The following MMAB variants were observed in gnomAD, a reference collection of about 807,000 sequenced individuals.
MMAB encodes the protein corrinoid adenosyltransferase MMAB.
A neutral mutation model predicts 30.6 loss-of-function variants in MMAB; 17 were observed. That is an observed-to-expected ratio of 0.56 (90% CI 0.38 to 0.83). The LOEUF is 0.83. MMAB is among the 40% of genes least tolerant of loss of function. The probability of loss-of-function intolerance (pLI) is 0.00; values close to 1 mark genes in which losing one functional copy is unlikely to be tolerated. For missense variants in MMAB, 311 were observed against 331.6 expected (o/e 0.94, Z 0.48); for synonymous variants, 134 against 138.6 (o/e 0.97, Z 0.23).
Position 109,572,140 on chromosome 12 carries a change from C to T in MMAB, c.135-430G>A, listed in dbSNP as rs564074408. 5.8e-4 allele frequency among the ~76,000 whole-genome samples: 88 copies of T among 152,258 alleles called. 1 individual carries two copies. In the South Asian group the frequency reaches 0.018, roughly 31 times the overall value. ...GGAAACTATGGCTCAGATGAGACAC[C>T]TTCCTAGACCATCCAAGAAGAGGCA... On this transcript the variant is annotated intron_variant, in intron 1 of 8. Coordinates refer to ENST00000545712, the MANE Select transcript of MMAB (RefSeq NM_052845.4).
At chr12:109,560,735 T>A (rs1884160385) in intron 7 of MMAB, among the ~76,000 whole-genome samples, 1 of 152,116 alleles carries the variant, frequency 6.6e-6, no homozygotes, top group Admixed American at 6.5e-5. Context: ...ACAAACAAGG[T>A]GCAATTGTGT....
intron 7 of MMAB, 70 bp downstream of exon 7, chr12:109,560,970 T>TGGGGGGGGGGGGGGGGGGGGGGGGGGGG: frequency 1.2e-6 from 1 of 808,206 alleles, no homozygotes; most frequent in East Asian, 2.8e-5. Context: ...CTCCTCTCCC[T>TGGGGGGGGGGGGGGGGGGGGGGGGGGGG]CTCCCTCCCC....
chr12:109,568,660 G>A, intron 3 of MMAB, 110 bp downstream of exon 3: 1 of 886,556 alleles, frequency 1.1e-6, no homozygotes, highest in Non-Finnish European at 1.9e-6. Context: ...GTTCAATAAG[G>A]GCTGACAACC....
chr12:109,565,218 T>C (rs1884377071), intron 3 of MMAB, 42 bp from the exon 4 acceptor site: 1 of 1,466,934 alleles, frequency 6.8e-7, no homozygotes, highest in Middle Eastern at 1.7e-4. Context: ...TAATGTAATG[T>C]CCCTAGGCCC....
rs1296274517 is a variant in MMAB, at chr12:109,569,244, C to T, written c.197-381G>A. Reference sequence around the variant, plus strand: ...TTACAGGCATGAGCCACCGTACCACCCCTTAAAGAACTTTCAACTTGAAAT... The same window carrying T: ...TTACAGGCATGAGCCACCGTACCACTCCTTAAAGAACTTTCAACTTGAAAT... On this transcript the variant is annotated intron_variant, in intron 2 of 8. Transcript: ENST00000545712. The surrounding 1 kb of genome is among the most constrained non-coding windows in gnomAD (Gnocchi z 4.1). 1.3e-5 allele frequency among the ~76,000 whole-genome samples: 2 copies of T among 152,102 alleles called. No individual in the cohort carries two copies. Among genetic ancestry groups the T allele is most frequent in the Non-Finnish European group, 2.9e-5 (2 of 68,020 alleles).
intron 2 of MMAB, among the ~76,000 whole-genome samples, chr12:109,570,718 A>G (rs1466704023): frequency 6.6e-6 from 1 of 152,108 alleles, no homozygotes; most frequent in Admixed American, 6.6e-5. Context: ...AAAAAAATTA[A>G]AAAGTATTAG....
At position 109,558,022 on chromosome 12, in the gene MMAB, G is replaced by A. The variant is rs374971337; in HGVS notation, c.645-886C>T. Among the ~76,000 whole-genome samples, 11 of 152,274 alleles carry A rather than the reference G, an allele frequency of 7.2e-5. No homozygotes were observed. The East Asian group carries it at 1.4e-3, about 19-fold the overall frequency. On this transcript the variant is annotated intron_variant, in intron 8 of 8. Coordinates refer to ENST00000545712, the MANE Select transcript of MMAB (RefSeq NM_052845.4). The surrounding 1 kb of genome is among the most constrained non-coding windows in gnomAD (Gnocchi z 4.3). ...TTTCACTCCCAGCACGAGGCACCAC[G>A]TTCCTCCCTCTCTCTCTGCCCCAGT...
At position 109,554,974 on chromosome 12, in the gene MMAB, C is replaced by T. The variant is rs1453010892; in HGVS notation, c.*2054G>A. 1.3e-5 allele frequency: 6 copies of T among 453,948 alleles called. No homozygotes were observed. Among genetic ancestry groups the T allele is most frequent in the African/African-American group, 4.0e-5 (2 of 49,982 alleles). 28.1% of individuals were successfully genotyped at this position (453,948 alleles called of 1,614,324 possible). A position where few individuals can be genotyped will look rare whatever the true frequency, so the allele number is the denominator to read the frequency against. ...AGATACAGAGGCGGGGGTCTGAGAACGCGACTGTTAACATCCAGGCTGTGA... is the reference window on the plus strand; with the variant it reads ...AGATACAGAGGCGGGGGTCTGAGAATGCGACTGTTAACATCCAGGCTGTGA... On this transcript the variant is annotated 3_prime_UTR_variant, in exon 9 of 9. Coordinates refer to ENST00000545712, the MANE Select transcript of MMAB (RefSeq NM_052845.4).
chr12:109,565,282 C>T lies in MMAB; in HGVS notation c.291-106G>A. ...GTGGCAGGCCATTTAGTTAATTTAG[C>T]TATAATAGCCATGTTATTTTTCTTG... On this transcript the variant is annotated intron_variant, in intron 3 of 8. Coordinates refer to ENST00000545712, the MANE Select transcript of MMAB (RefSeq NM_052845.4). The T allele has an allele frequency of 3.6e-6, 3 of 828,278 alleles. No individual in the cohort carries two copies. In the South Asian group the frequency reaches 4.0e-5, roughly 11 times the overall value. 51.3% of individuals were successfully genotyped at this position (828,278 alleles called of 1,614,324 possible). A position where few individuals can be genotyped will look rare whatever the true frequency, so the allele number is the denominator to read the frequency against.
intron 3 of MMAB, chr12:109,567,230 C>T (rs1021247669): frequency 1.4e-5 from 5 of 366,748 alleles, no homozygotes; most frequent in Non-Finnish European, 2.7e-5. Context: ...GTGCTAGGCA[C>T]TGTCCTCAGG....
At position 109,556,648 on chromosome 12, in the gene MMAB, T is replaced by TCTCTCACACACACACACACACA. The variant is rs1555273916; in HGVS notation, c.*379_*380insTGTGTGTGTGTGTGTGTGAGAG. On this transcript the variant is annotated 3_prime_UTR_variant, in exon 9 of 9. Coordinates refer to ENST00000545712, the MANE Select transcript of MMAB (RefSeq NM_052845.4). The stretch of plus-strand genomic sequence containing the variant: ...GAGCTGGCAGTGGGAGGGCTCTCTC[T>TCTCTCACACACACACACACACA]CACACACACACACACACACACACAC... 12 of 328,372 alleles carry TCTCTCACACACACACACACACA rather than the reference T, an allele frequency of 3.7e-5. No homozygotes were observed. Among genetic ancestry groups the TCTCTCACACACACACACACACA allele is most frequent in the African/African-American group, 3.2e-4 (11 of 34,038 alleles). The allele number at this position is 328,372 out of a possible 1,614,324, so 20.3% of individuals were successfully genotyped here.
intron 1 of MMAB, 130 bp downstream of exon 1, chr12:109,573,217 G>T: frequency 7.9e-7 from 1 of 1,270,200 alleles, no homozygotes; most frequent in Non-Finnish European, 1.1e-6. Flanking sequence ...TTGCCATGGT[G>T]ACGTCAGAAC....
chr12:109,565,004 G>A, intron 4 of MMAB, 115 bp downstream of exon 4: 2 of 846,762 alleles, frequency 2.4e-6, no homozygotes, highest in Non-Finnish European at 4.1e-6. Context: ...GGAGCTCACA[G>A]AGGGAGAGTA....
chr12:109,555,801 G>T lies in MMAB; in HGVS notation c.*1227C>A. On this transcript the variant is annotated 3_prime_UTR_variant, in exon 9 of 9. Coordinates refer to ENST00000545712, the MANE Select transcript of MMAB (RefSeq NM_052845.4). ...CCCTCCTGCAAACTTTGCAGGCCAG[G>T]TGGTAAGAATGAAGGCAAAAATATG... is the stretch of plus-strand genomic sequence containing the variant. 2.2e-6 allele frequency: 1 copy of T among 454,050 alleles called. No homozygotes were observed. Among genetic ancestry groups the T allele is most frequent in the South Asian group, 1.6e-5 (1 of 64,474 alleles). 28.1% of individuals were successfully genotyped at this position (454,050 alleles called of 1,614,324 possible).
rs199961081 is a variant in MMAB at position 109,561,145 on chromosome 12, G to A, written c.520-41C>T. On this transcript the variant is annotated intron_variant, in intron 6 of 8. Coordinates refer to ENST00000545712, the MANE Select transcript of MMAB (RefSeq NM_052845.4). The surrounding 1 kb of genome is among the most constrained non-coding windows in gnomAD (Gnocchi z 5.3). ...GACATTGCCTGAGCAGGGTGGGAAA[G>A]GTGTGCCCACTGCGGACAGGAGCTC... The A allele has an allele frequency of 6.2e-7, 1 of 1,604,086 alleles. No homozygotes were observed. Among genetic ancestry groups the A allele is most frequent in the Non-Finnish European group, 8.5e-7 (1 of 1,178,960 alleles).
At chr12:109,562,412 C>G (rs764164528) in intron 4 of MMAB, among the ~76,000 whole-genome samples, 4 of 152,194 alleles carry the variant, frequency 2.6e-5, no homozygotes, top group Non-Finnish European at 4.4e-5. Context: ...AAAGCAAACT[C>G]TGAACTTTCA....
rs1555273916 is a variant in MMAB, at chr12:109,556,648, T to TCTCTCTCTCTCTCACACACA, written c.*379_*380insTGTGTGTGAGAGAGAGAGAG. 3 of 299,376 alleles carry TCTCTCTCTCTCTCACACACA rather than the reference T, an allele frequency of 1.0e-5. No homozygotes were observed. The highest frequency in any genetic ancestry group is 9.1e-5 in the African/African-American group (3 of 33,092). 18.5% of individuals were successfully genotyped at this position (299,376 alleles called of 1,614,324 possible). On this transcript the variant is annotated 3_prime_UTR_variant, in exon 9 of 9. Transcript: ENST00000545712. Reference sequence around the variant, plus strand: ...GAGCTGGCAGTGGGAGGGCTCTCTCTCACACACACACACACACACACACAC... The same window carrying TCTCTCTCTCTCTCACACACA: ...GAGCTGGCAGTGGGAGGGCTCTCTCTCTCTCTCTCTCTCACACACACACACACACACACACACACACACAC...
intron 7 of MMAB, among the ~76,000 whole-genome samples, chr12:109,559,805 C>T (rs1884126822): frequency 6.6e-6 from 1 of 152,350 alleles, no homozygotes; most frequent in South Asian, 2.1e-4. Context: ...GGTTCTCATC[C>T]CCACCCAAAG....
rs561798856 is a variant in MMAB at position 109,565,735 on chromosome 12, G to A, written c.291-559C>T. 8.1e-4 allele frequency among the ~76,000 whole-genome samples: 124 copies of A among 152,358 alleles called. 1 individual carries two copies. Among genetic ancestry groups the A allele is most frequent in the African/African-American group, 2.9e-3 (119 of 41,582 alleles). On this transcript the variant is annotated intron_variant, in intron 3 of 8. Coordinates refer to ENST00000545712, the MANE Select transcript of MMAB (RefSeq NM_052845.4). ...ACTGAGATCAGTGCTCTGAAGGAAA[G>A]AGCAATAGAAGCCTAATCTGACCTT... is the stretch of plus-strand genomic sequence containing the variant.
Sources: gnomAD v4.1 joint callset for allele counts (sites outside exome capture counted in the v4.1 genomes callset) on GRCh38, gnomAD v4.1.1 for gene constraint, Gnocchi (gnomAD v3.1) non-coding constraint, MANE v1.5 for transcripts, NCBI Gene and HGNC (gene_info 2026-07-23, HGNC 2026-07-21) for gene names.